NPR3: variants seen among roughly 807,000 people sequenced by gnomAD.
NPR3 encodes the protein natriuretic peptide receptor 3.
Under a neutral mutation model 54.5 loss-of-function variants are expected in NPR3, and 34 were observed. The ratio of observed to expected loss-of-function variants is 0.62; its 90% CI spans 0.47 to 0.83. NPR3 has a LOEUF of 0.83. Ranked by LOEUF, NPR3 falls within the 40% of genes least tolerant of loss-of-function variation. NPR3 has a pLI of 0.00. For missense variants in NPR3, 674 were observed against 720.8 expected (o/e 0.94, Z 0.74); for synonymous variants, 289 against 297.1 (o/e 0.97, Z 0.28).
rs754121069 is a variant in NPR3 at position 32,774,810 on chromosome 5, A to G, written c.1162A>G (p.Ile388Val). Residue 388 changes from isoleucine to valine, a missense_variant, in exon 4 of 8, where the codon ATT becomes GTT. Ile to Val is a conservative substitution (Grantham distance 29, BLOSUM62 3). Transcript: ENST00000265074. ...AGYSKKDGGK[I>V]IQQTWNRTFE... is the part of the protein sequence containing the mutation. ...TTACAGCAAAAAGGATGGAGGGAAA[A>G]TTATACAGCAGACTTGGAACAGAAC... 3.3e-5 allele frequency: 53 copies of G among 1,611,440 alleles called. No homozygotes were observed. The East Asian group carries it at 1.1e-3, about 33-fold the overall frequency.
At chr5:32,767,186 G>T (rs868372536) in intron 3 of NPR3, among the ~76,000 whole-genome samples, 10 of 152,332 alleles carry the variant, frequency 6.6e-5, no homozygotes, top group Middle Eastern at 6.8e-3. Flanking sequence ...GCACAAAACT[G>T]TTTTATCATA....
intron 3 of NPR3, among the ~76,000 whole-genome samples, chr5:32,739,378 GAGA>G (rs1303199531): frequency 2.0e-5 from 3 of 152,124 alleles, no homozygotes; most frequent in African/African-American, 7.2e-5. Flanking sequence ...GGTTTTGGGG[GAGA>G]AGGAGGATGA....
chr5:32,760,125 GTT>G (rs202240206), intron 3 of NPR3, among the ~76,000 whole-genome samples: 2 of 145,892 alleles, frequency 1.4e-5, no homozygotes, highest in South Asian at 4.3e-4. Context: ...GTTGATGGAT[GTT>G]TTTTTTTTTC....
In NPR3 at chr5:32,788,548, G is replaced by A. The variant is rs942679338; in HGVS notation, c.*2203G>A. On this transcript the variant is annotated 3_prime_UTR_variant, in exon 8 of 8. Transcript: ENST00000265074. ...AAGCATTTACATTTCAAGTCTATGT[G>A]CTTATTACAGGGGAAAAATAATCTA... 2 of 152,074 alleles carry A rather than the reference G, an allele frequency of 1.3e-5. No homozygotes were observed. Among genetic ancestry groups the A allele is most frequent in the Admixed American group, 1.3e-4 (2 of 15,268 alleles). 9.4% of individuals were successfully genotyped at this position (152,074 alleles called of 1,614,324 possible).
intron 2 of NPR3, among the ~76,000 whole-genome samples, chr5:32,728,642 C>T (rs992707431): frequency 2.6e-5 from 4 of 151,488 alleles, no homozygotes; most frequent in African/African-American, 9.7e-5. Flanking sequence ...TCTGTATTTG[C>T]ACCTAACTTC....
intron 3 of NPR3, among the ~76,000 whole-genome samples, chr5:32,752,260 A>G (rs1304462794): frequency 6.6e-6 from 1 of 152,002 alleles, no homozygotes; most frequent in African/African-American, 2.4e-5. Flanking sequence ...CAGAAAACCA[A>G]CTTGGATTTT....
intron 3 of NPR3, among the ~76,000 whole-genome samples, chr5:32,771,768 G>T (rs1366336826): frequency 6.6e-6 from 1 of 152,130 alleles, no homozygotes; most frequent in Non-Finnish European, 1.5e-5. Context: ...TGTACAATAA[G>T]AACAGAATGC....
intron 3 of NPR3, among the ~76,000 whole-genome samples, chr5:32,758,714 C>T (rs980480883): frequency 6.6e-6 from 1 of 152,180 alleles, no homozygotes; most frequent in Non-Finnish European, 1.5e-5. Flanking sequence ...AATTTTAGAT[C>T]TTTCCTGCTT....
chr5:32,783,824 A>G (rs1311775850), intron 6 of NPR3, among the ~76,000 whole-genome samples: 3 of 152,108 alleles, frequency 2.0e-5, no homozygotes, highest in African/African-American at 4.8e-5. Context: ...TTTAAGCCTC[A>G]GTTTTCCAAT....
chr5:32,753,411 T>C (rs963561032), intron 3 of NPR3, among the ~76,000 whole-genome samples: 1 of 152,140 alleles, frequency 6.6e-6, no homozygotes, highest in Non-Finnish European at 1.5e-5. Context: ...TAAATTCTTG[T>C]TGGAATAGTC....
At chr5:32,701,608 C>T in intron 1 of NPR3, among the ~76,000 whole-genome samples, 1 of 152,264 alleles carries the variant, frequency 6.6e-6, no homozygotes, top group East Asian at 1.9e-4. Flanking sequence ...AGTTAGGCAT[C>T]TATTGTAGTC....
intron 2 of NPR3, among the ~76,000 whole-genome samples, chr5:32,737,245 A>T (rs1219573020): frequency 6.6e-6 from 1 of 152,100 alleles, no homozygotes; most frequent in Non-Finnish European, 1.5e-5. Flanking sequence ...TGTACCCCCC[A>T]TAGTAAGCTG....
At chr5:32,755,452 A>G (rs1343548825) in intron 3 of NPR3, among the ~76,000 whole-genome samples, 1 of 152,130 alleles carries the variant, frequency 6.6e-6, no homozygotes, top group Non-Finnish European at 1.5e-5. Flanking sequence ...TTGAACCCAT[A>G]TATGCACCCT....
At chr5:32,701,233 A>C (rs1737782653) in intron 1 of NPR3, among the ~76,000 whole-genome samples, 1 of 151,940 alleles carries the variant, frequency 6.6e-6, no homozygotes, top group Non-Finnish European at 1.5e-5. Context: ...GTATTTTCAA[A>C]TATCCTGTCC....
chr5:32,784,546 T>C (rs1181310670), intron 6 of NPR3, among the ~76,000 whole-genome samples: 1 of 152,228 alleles, frequency 6.6e-6, no homozygotes, highest in African/African-American at 2.4e-5. Context: ...TCTCACTGTG[T>C]CCACTCTCTT....
At chr5:32,709,125 C>T (rs752705430), upstream of NPR3, among the ~76,000 whole-genome samples, 2 of 151,992 alleles carry the variant, frequency 1.3e-5, no homozygotes, top group Non-Finnish European at 2.9e-5. Flanking sequence ...ATGGGACAGG[C>T]GTTCACACCG....
intron 3 of NPR3, among the ~76,000 whole-genome samples, chr5:32,757,342 A>T (rs998534496): frequency 1.3e-5 from 2 of 152,126 alleles, no homozygotes; most frequent in African/African-American, 4.8e-5. Flanking sequence ...TTGGATTCCT[A>T]GGTATTTTAT....
chr5:32,720,961 G>A (rs1401099102), intron 1 of NPR3, among the ~76,000 whole-genome samples: 1 of 152,154 alleles, frequency 6.6e-6, no homozygotes, highest in Non-Finnish European at 1.5e-5. Context: ...TGAAACATAA[G>A]CAGGAAAAGA....
chr5:32,710,718 A>T (rs971885733), upstream of NPR3: 3 of 1,546,944 alleles, frequency 1.9e-6, no homozygotes, highest in African/African-American at 4.1e-5. Context: ...GCGCCGAGGG[A>T]CCAGGAAGGT....
Sources: allele counts gnomAD v4.1 joint callset (sites outside exome capture counted in the v4.1 genomes callset), GRCh38; gene constraint gnomAD v4.1.1; transcripts MANE v1.5; gene names NCBI Gene and HGNC (gene_info 2026-07-23, HGNC 2026-07-21).